The following OTX2 variants were observed in gnomAD, a reference collection of about 807,000 sequenced individuals.
OTX2 encodes the protein homeobox protein OTX2.
Under a neutral mutation model 29.0 loss-of-function variants are expected in OTX2, and 4 were observed. The ratio of observed to expected loss-of-function variants is 0.14; its 90% confidence interval spans 0.07 to 0.32. OTX2 has a LOEUF of 0.32. Among genes scored for constraint, OTX2 ranks in the 10% least tolerant of loss-of-function variants. OTX2 has a pLI of 1.00. For missense variants in OTX2, 298 were observed against 365.9 expected, an observed-to-expected ratio of 0.81 and a Z score of 1.51; for synonymous variants, 134 against 141.0, an observed-to-expected ratio of 0.95 and a Z score of 0.35.
Position 56,802,261 on chromosome 14 carries a change from G to A in OTX2, c.368C>T (p.Thr123Ile). ...QNKVRPAKKKTSPAREVSSES... is the reference protein window; with the variant it reads ...QNKVRPAKKKISPAREVSSES... ...TGAACTCACTTCCCGAGCTGGAGAT[G>A]TCTTCTTTTTGGCAGGTCTCACTTT... The change falls in exon 5 of 5, where the codon ACA becomes ATA. Residue 123 changes from threonine (T) to isoleucine (I), a missense_variant. This residue lies in a region of OTX2 where 219 missense variants were observed against 223.5 expected (regional missense o/e 0.98). Transcript: ENST00000672264. The surrounding 1 kb of genome is among the most constrained non-coding windows in gnomAD (Gnocchi z 4.4). The A allele has an allele frequency of 6.2e-7, 1 of 1,614,170 alleles. No individual in the cohort carries two copies. The highest frequency in any genetic ancestry group is 1.3e-5 in the African/African-American group (1 of 75,032).
rs1198587033 is a variant in OTX2 at position 56,802,814 on chromosome 14, A to G, written c.274-459T>C. Among the ~76,000 whole-genome samples, 1 of 152,220 alleles carries G rather than the reference A, an allele frequency of 6.6e-6. No homozygotes were observed. The highest frequency in any genetic ancestry group is 2.4e-5 in the African/African-American group (1 of 41,444). The stretch of plus-strand genomic sequence containing the variant: ...AACAGCCTAAATTCATTTACAGTTC[A>G]TCTTCCAGGAAGCAACTGCTAATAT... On this transcript the variant is annotated intron_variant, in intron 4 of 4. Coordinates refer to ENST00000672264, the MANE Select transcript of OTX2 (RefSeq NM_021728.4). This position sits in a 1 kb window ranked among gnomAD's most constrained non-coding sequence, Gnocchi z 4.4.
chr14:56,805,607 G>T (rs1441681039), intron 2 of OTX2, 32 bp from the exon 3 acceptor site: 71 of 672,854 alleles, frequency 1.1e-4, no homozygotes, highest in African/African-American at 1.8e-5. Context: ...AAACAGAGGG[G>T]CTGGTTTACT....
At position 56,801,707 on chromosome 14, in the gene OTX2, C is replaced by T. The variant is rs1457686689; in HGVS notation, c.*28G>A. The T allele has an allele frequency of 6.2e-7, 1 of 1,611,184 alleles. No individual in the cohort carries two copies. Among genetic ancestry groups the T allele is most frequent in the Non-Finnish European group, 8.5e-7 (1 of 1,178,736 alleles). The stretch of plus-strand genomic sequence containing the variant: ...TGTCCAGCCCAGTATATTTAAAAAT[C>T]ACCCACAAAAAGAGGTTCTACAGGT... On this transcript the variant is annotated 3_prime_UTR_variant, in exon 5 of 5. Coordinates refer to ENST00000672264, the MANE Select transcript of OTX2 (RefSeq NM_021728.4). The surrounding 1 kb of genome is among the most constrained non-coding windows in gnomAD (Gnocchi z 4.2).
chr14:56,805,582 G>C lies in OTX2; in HGVS notation c.-119-7C>G. 1.4e-6 allele frequency: 1 copy of C among 700,708 alleles called. No individual in the cohort carries two copies. The highest frequency in any genetic ancestry group is 2.6e-6 in the Non-Finnish European group (1 of 382,906). 43.4% of individuals were successfully genotyped at this position (700,708 alleles called of 1,614,324 possible). A position where few individuals can be genotyped will look rare whatever the true frequency, so the allele number is the denominator to read the frequency against. ...TGGGTTTGGAGCAGTGGAACTAAGGGCAAAGCAAACAAACAAACAGAGGGG... is the reference window on the plus strand; with the variant it reads ...TGGGTTTGGAGCAGTGGAACTAAGGCCAAAGCAAACAAACAAACAGAGGGG... On this transcript the variant is annotated splice_region_variant and splice_polypyrimidine_tract_variant and intron_variant, in intron 2 of 4. Transcript: ENST00000672264.
rs28757218 is a variant in OTX2, at chr14:56,805,348, G to C, written c.97+12C>G. 6.3e-7 allele frequency: 1 copy of C among 1,583,256 alleles called. No homozygotes were observed. The highest frequency in any genetic ancestry group is 1.3e-5 in the African/African-American group (1 of 74,368). On this transcript the variant is annotated intron_variant, in intron 3 of 4. Coordinates refer to ENST00000672264, the MANE Select transcript of OTX2 (RefSeq NM_021728.4). ...GGAAGAGGGGTGCGGGAGTGCAGCA[G>C]GGCTCACTTACCCGGGTAGCCCACG...
chr14:56,806,785 T>C (rs1892101178), intron 2 of OTX2: 1 of 152,250 alleles, frequency 6.6e-6, no homozygotes, highest in African/African-American at 2.4e-5. Context: ...ATTTACTTTC[T>C]TCAGCTGAGC....
chr14:56,801,461 C>T lies in OTX2; in HGVS notation c.*274G>A. Reference sequence around the variant, plus strand: ...TTATTTTTGGTGGTGTTTGGTTGCACATGGCTAGAATGCTTTTGATCACTT... The same window carrying T: ...TTATTTTTGGTGGTGTTTGGTTGCATATGGCTAGAATGCTTTTGATCACTT... On this transcript the variant is annotated 3_prime_UTR_variant, in exon 5 of 5. Coordinates refer to ENST00000672264, the MANE Select transcript of OTX2 (RefSeq NM_021728.4). The surrounding 1 kb of genome is among the most constrained non-coding windows in gnomAD (Gnocchi z 4.2). 4.0e-6 allele frequency: 2 copies of T among 504,274 alleles called. No individual in the cohort carries two copies. The highest frequency in any genetic ancestry group is 7.2e-6 in the Non-Finnish European group (2 of 278,670). 31.2% of individuals were successfully genotyped at this position (504,274 alleles called of 1,614,324 possible).
rs1892006408 is a variant in OTX2 at position 56,804,426 on chromosome 14, C to T, written c.98-63G>A. 8 of 1,459,386 alleles carry T rather than the reference C, an allele frequency of 5.5e-6. No homozygotes were observed. Among genetic ancestry groups the T allele is most frequent in the African/African-American group, 1.4e-5 (1 of 72,010 alleles). The allele number at this position is 1,459,386 out of a possible 1,614,324, so 90.4% of individuals were successfully genotyped here. On this transcript the variant is annotated intron_variant, in intron 3 of 4. Coordinates refer to ENST00000672264, the MANE Select transcript of OTX2 (RefSeq NM_021728.4). The surrounding 1 kb of genome is among the most constrained non-coding windows in gnomAD (Gnocchi z 4.1). ...TTCCGCGGGTTCTCCGACGCCCCTG[C>T]CCTCCACCCCGCAGCAGTCCCCCGT...
chr14:56,805,311 G>C (rs771739032), intron 3 of OTX2, 49 bp downstream of exon 3: 1 of 1,234,742 alleles, frequency 8.1e-7, no homozygotes, highest in Non-Finnish European at 1.2e-6. Context: ...CATCCCCGGA[G>C]GGTGGGCATG....
intron 4 of OTX2, among the ~76,000 whole-genome samples, chr14:56,803,568 A>G (rs1231790998): frequency 1.3e-5 from 2 of 152,186 alleles, no homozygotes; most frequent in Non-Finnish European, 1.5e-5. Flanking sequence ...GCTGGAGTTG[A>G]CCTTCCCTCT....
rs559528042 is a variant in OTX2, at chr14:56,802,499, C to T, written c.274-144G>A. 43 of 926,750 alleles carry T rather than the reference C, an allele frequency of 4.6e-5. No homozygotes were observed. The highest frequency in any genetic ancestry group is 3.1e-4 in the South Asian group (23 of 74,930). 57.4% of individuals were successfully genotyped at this position (926,750 alleles called of 1,614,324 possible). On this transcript the variant is annotated intron_variant, in intron 4 of 4. Coordinates refer to ENST00000672264, the MANE Select transcript of OTX2 (RefSeq NM_021728.4). The surrounding 1 kb of genome is among the most constrained non-coding windows in gnomAD (Gnocchi z 4.4). ...GCCACTGAAGACCTATTATGTGGTA[C>T]TCTCATATAAACTCCTGGACTTGTA...
Position 56,802,010 on chromosome 14 carries a change from T to C in OTX2, c.619A>G (p.Met207Val). Reference sequence around the variant, plus strand: ...GGGGTCAAATATGATCCACAGTCCATGCCCCCAAAGTAGGAAGTTGAGCCA... The same window carrying C: ...GGGGTCAAATATGATCCACAGTCCACGCCCCCAAAGTAGGAAGTTGAGCCA... ...YAGSTSYFGG[M>V]DCGSYLTPMH... Residue 207 changes from methionine to valine, a missense_variant, in exon 5 of 5, where the codon ATG becomes GTG. Around this residue, in one of 3 missense-constraint regions of OTX2, gnomAD observed 219 missense variants for 223.5 expected, o/e 0.98. Transcript: ENST00000672264. The surrounding 1 kb of genome is among the most constrained non-coding windows in gnomAD (Gnocchi z 4.4). 6.2e-7 allele frequency: 1 copy of C among 1,614,184 alleles called. No individual in the cohort carries two copies. Among genetic ancestry groups the C allele is most frequent in the South Asian group, 1.1e-5 (1 of 91,080 alleles).
chr14:56,801,847 G>T lies in OTX2; in HGVS notation c.782C>A (p.Thr261Asn). Residue 261 changes from threonine (T) to asparagine (N), a missense_variant, in exon 5 of 5, where the codon ACC becomes AAC. By Grantham distance (65) the Thr-to-Asn change is moderately conservative. Around this residue, in one of 3 missense-constraint regions of OTX2, gnomAD observed 219 missense variants for 223.5 expected, o/e 0.98. Coordinates refer to ENST00000672264, the MANE Select transcript of OTX2 (RefSeq NM_021728.4). The surrounding 1 kb of genome is among the most constrained non-coding windows in gnomAD (Gnocchi z 4.2). Reference protein sequence around the residue: ...YGASSLGFNSTTDCLDYKDQT... With the variant: ...YGASSLGFNSNTDCLDYKDQT... ...GTCCTTATAATCCAAGCAATCAGTGGTTGAGTTAAAACCCAAGCTTGAAGC... is the reference window on the plus strand; with the variant it reads ...GTCCTTATAATCCAAGCAATCAGTGTTTGAGTTAAAACCCAAGCTTGAAGC... The T allele has an allele frequency of 6.2e-7, 1 of 1,614,204 alleles. No homozygotes were observed. The highest frequency in any genetic ancestry group is 1.3e-5 in the African/African-American group (1 of 75,034).
chr14:56,806,056 C>A (rs1892080758), intron 2 of OTX2, among the ~76,000 whole-genome samples: 1 of 152,066 alleles, frequency 6.6e-6, no homozygotes, highest in South Asian at 2.1e-4. Context: ...AGAAACAATT[C>A]AAGAAATCTA....
rs574021239 is a variant in OTX2 at position 56,800,566 on chromosome 14, G to C, written c.*1169C>G. The C allele has an allele frequency of 1.3e-5, 2 of 151,828 alleles. No homozygotes were observed. Among genetic ancestry groups the C allele is most frequent in the Non-Finnish European group, 2.9e-5 (2 of 67,942 alleles). The allele number at this position is 151,828 out of a possible 1,614,324, so 9.4% of individuals were successfully genotyped here. ...CCACTGTCATTCATATCTATTTTAT[G>C]CATAGATTAGCAAAAAAAAAAAGTA... On this transcript the variant is annotated 3_prime_UTR_variant, in exon 5 of 5. Transcript: ENST00000672264.
Position 56,802,186 on chromosome 14 carries a change from G to T in OTX2, c.443C>A (p.Pro148Gln). 1 of 1,614,112 alleles carries T rather than the reference G, an allele frequency of 6.2e-7. No homozygotes were observed. The highest frequency in any genetic ancestry group is 2.2e-5 in the East Asian group (1 of 44,876). Reference sequence around the variant, plus strand: ...AGGAGCACTGCTGCTGGCAATGGTCGGGACTGAGGTGCTAGAGGGGGGAGT... The same window carrying T: ...AGGAGCACTGCTGCTGGCAATGGTCTGGACTGAGGTGCTAGAGGGGGGAGT... ...QFTPPSSTSV[P>Q]TIASSSAPVS... Residue 148 changes from proline (P) to glutamine (Q), a missense_variant, in exon 5 of 5, where the codon CCG becomes CAG. Physicochemically the swap from Pro to Gln is moderately conservative, Grantham distance 76. Coordinates refer to ENST00000672264, the MANE Select transcript of OTX2 (RefSeq NM_021728.4). This position sits in a 1 kb window ranked among gnomAD's most constrained non-coding sequence, Gnocchi z 4.4.
At position 56,801,409 on chromosome 14, in the gene OTX2, TC is replaced by T. The variant is rs1891870422; in HGVS notation, c.*325del. On this transcript the variant is annotated 3_prime_UTR_variant, in exon 5 of 5. Transcript: ENST00000672264. This position sits in a 1 kb window ranked among gnomAD's most constrained non-coding sequence, Gnocchi z 4.2. ...AAGAAGGCTATGACCTTCCCTCCCT[TC>T]CTTCACAACTTAGTTTTGTTTGATT... is the stretch of plus-strand genomic sequence containing the variant. 2.6e-6 allele frequency: 1 copy of T among 388,086 alleles called. No homozygotes were observed. The highest frequency in any genetic ancestry group is 2.1e-5 in the African/African-American group (1 of 48,606). The allele number at this position is 388,086 out of a possible 1,614,324, so 24.0% of individuals were successfully genotyped here. A position where few individuals can be genotyped will look rare whatever the true frequency, so the allele number is the denominator to read the frequency against.
Position 56,805,485 on chromosome 14 carries a change from G to A in OTX2, c.-29C>T. On this transcript the variant is annotated 5_prime_UTR_variant, in exon 3 of 5. Transcript: ENST00000672264. ...AAGGTTGTTTGGAGGTGCAAAGTCG[G>A]CCCAAATCGGGGGTACCCAGCTGGA... 2 of 1,502,162 alleles carry A rather than the reference G, an allele frequency of 1.3e-6. No individual in the cohort carries two copies. Among genetic ancestry groups the A allele is most frequent in the Non-Finnish European group, 1.9e-6 (2 of 1,079,788 alleles). 93.1% of individuals were successfully genotyped at this position (1,502,162 alleles called of 1,614,324 possible). A position where few individuals can be genotyped will look rare whatever the true frequency, so the allele number is the denominator to read the frequency against.
At chr14:56,808,933 TCTTGGGAGTTTGCAGAGCGAC>T (rs1892181539) in intron 2 of OTX2, among the ~76,000 whole-genome samples, 1 of 152,066 alleles carries the variant, frequency 6.6e-6, no homozygotes, top group African/African-American at 2.4e-5. Flanking sequence ...CGCGAAGACT[TCTTGGGAGTTTGCAGAGCGAC>T]CCGTCGCCCG....
Sources: allele counts gnomAD v4.1 joint callset (sites outside exome capture counted in the v4.1 genomes callset), GRCh38; gene constraint gnomAD v4.1.1; regional missense constraint gnomAD v4.1.1; non-coding constraint Gnocchi (gnomAD v3.1); transcripts MANE v1.5; gene names NCBI Gene and HGNC (gene_info 2026-07-23, HGNC 2026-07-21).